The following MPDZ variants were observed in gnomAD, a reference collection of about 807,000 sequenced individuals.
MPDZ encodes multiple PDZ domain protein.
Under a neutral mutation model 239.1 loss-of-function variants are expected in MPDZ, and 234 were observed. That is an observed-to-expected ratio of 0.98 (90% CI 0.88 to 1.09). The LOEUF (loss-of-function observed/expected upper bound fraction) is 1.09, where lower values mean the gene tolerates loss of function less well. Ranked by LOEUF, MPDZ falls within the 50% of genes least tolerant of loss-of-function variation. The pLI, the probability that MPDZ is intolerant of heterozygous loss-of-function variation, is 0.00. For missense variants in MPDZ, 3,175 were observed against 2,510.0 expected (o/e 1.26, Z -5.66); for synonymous variants, 1,048 against 881.3 (o/e 1.19, Z -3.35).
In MPDZ at chr9:13,250,229, ACATATGT is replaced by A. The variant is rs1005994519; in HGVS notation, c.16+64_16+70del. 8 of 1,438,436 alleles carry A rather than the reference ACATATGT, an allele frequency of 5.6e-6. No homozygotes were observed. In the Admixed American group the frequency reaches 5.8e-5, roughly 10 times the overall value. The allele number at this position is 1,438,436 out of a possible 1,614,324, so 89.1% of individuals were successfully genotyped here. ...ACAGAATCCTGCTATGTTAAACACA[ACATATGT>A]CAAAAATCCCAATGGGAGGAGTTAC... On this transcript the variant is annotated intron_variant, in intron 2 of 46. Coordinates refer to ENST00000319217, the MANE Select transcript of MPDZ (RefSeq NM_001378778.1).
At chr9:13,176,076 A>C in intron 20 of MPDZ, 60 bp downstream of exon 20, 1 of 1,477,300 alleles carries the variant, frequency 6.8e-7, no homozygotes, top group Non-Finnish European at 9.0e-7. Flanking sequence ...AGCCAGAATA[A>C]CCTTACTTCA....
intron 15 of MPDZ, 33 bp downstream of exon 15, chr9:13,192,098 T>C (rs1375966856): frequency 7.9e-6 from 12 of 1,516,438 alleles, no homozygotes; most frequent in Non-Finnish European, 9.7e-6. Flanking sequence ...CCATTATATA[T>C]GTAGGTTAGC....
chr9:13,126,847 G>C (rs536986076), intron 32 of MPDZ, 75 bp from the exon 33 acceptor site: 2 of 1,225,370 alleles, frequency 1.6e-6, no homozygotes, highest in African/African-American at 3.0e-5. Flanking sequence ...CCAAGGGTAA[G>C]AAAAACAACT....
intron 32 of MPDZ, among the ~76,000 whole-genome samples, chr9:13,126,978 A>C (rs1225722152): frequency 1.3e-5 from 2 of 152,210 alleles, no homozygotes; most frequent in Non-Finnish European, 2.9e-5. Context: ...TTCCTCCATC[A>C]AACATTCAAG....
intron 1 of MPDZ, among the ~76,000 whole-genome samples, chr9:13,271,477 T>A (rs1245216021): frequency 1.3e-5 from 2 of 152,164 alleles, no homozygotes; most frequent in Non-Finnish European, 2.9e-5. Context: ...GACAGAAATG[T>A]CCGTTTGTAA....
intron 1 of MPDZ, among the ~76,000 whole-genome samples, chr9:13,265,580 G>T (rs997998291): frequency 2.0e-5 from 3 of 152,114 alleles, no homozygotes; most frequent in African/African-American, 7.2e-5. Context: ...AAAAAGAAAA[G>T]AAGAAAAGAA....
chr9:13,113,080 G>T, intron 41 of MPDZ, 26 bp from the exon 42 acceptor site: 1 of 1,533,464 alleles, frequency 6.5e-7, no homozygotes, highest in Non-Finnish European at 8.9e-7. Context: ...AGATAAAATA[G>T]GGTTATTTTA....
intron 23 of MPDZ, among the ~76,000 whole-genome samples, chr9:13,159,723 C>T (rs995460767): frequency 2.0e-5 from 3 of 152,066 alleles, no homozygotes; most frequent in African/African-American, 7.2e-5. Context: ...TTTTTAGGTA[C>T]AAGAAGATAA....
At chr9:13,208,720 G>A (rs1957275091) in intron 10 of MPDZ, among the ~76,000 whole-genome samples, 1 of 150,798 alleles carries the variant, frequency 6.6e-6, no homozygotes, top group Non-Finnish European at 1.5e-5. Context: ...TAGTGAGGAA[G>A]AAAGAGGGAA....
At chr9:13,146,623 A>C (rs988585893) in intron 26 of MPDZ, among the ~76,000 whole-genome samples, 1 of 152,040 alleles carries the variant, frequency 6.6e-6, no homozygotes, top group African/African-American at 2.4e-5. Context: ...AAATCCAAAA[A>C]AGGAGTCTGT....
At chr9:13,214,465 G>A (rs1448986531) in intron 10 of MPDZ, among the ~76,000 whole-genome samples, 2 of 151,804 alleles carry the variant, frequency 1.3e-5, no homozygotes, top group African/African-American at 4.8e-5. Flanking sequence ...ATGTTTTTAG[G>A]GTTCTGAAAA....
chr9:13,140,442 T>G (rs1409107376), intron 27 of MPDZ, among the ~76,000 whole-genome samples: 1 of 147,318 alleles, frequency 6.8e-6, no homozygotes, highest in Non-Finnish European at 1.5e-5. Flanking sequence ...ATTTGTTTGA[T>G]ATTTTAAAGC....
At position 13,205,131 on chromosome 9, in the gene MPDZ, A is replaced by G. The variant is rs1956847478; in HGVS notation, c.1475-24T>C. 2.4e-6 allele frequency: 3 copies of G among 1,261,798 alleles called. No homozygotes were observed. The African/African-American group carries it at 4.7e-5, about 20-fold the overall frequency. The allele number at this position is 1,261,798 out of a possible 1,614,324, so 78.2% of individuals were successfully genotyped here. On this transcript the variant is annotated intron_variant, in intron 11 of 46. Coordinates refer to ENST00000319217, the MANE Select transcript of MPDZ (RefSeq NM_001378778.1). ...TTCTTAAAGATAAAAATATTTTAGT[A>G]ATTTTATCTTTAGTATAATCAAGTA... is the stretch of plus-strand genomic sequence containing the variant.
chr9:13,174,228 G>C (rs1416125767), intron 21 of MPDZ, among the ~76,000 whole-genome samples: 1 of 152,102 alleles, frequency 6.6e-6, no homozygotes, highest in South Asian at 2.1e-4. Flanking sequence ...TTCTCTGTAA[G>C]TATCTATTAT....
At chr9:13,160,380 C>T (rs999021779) in intron 23 of MPDZ, among the ~76,000 whole-genome samples, 1 of 152,116 alleles carries the variant, frequency 6.6e-6, no homozygotes, top group African/African-American at 2.4e-5. Flanking sequence ...TGCAGTGAAG[C>T]AGCTAGTCAC....
At position 13,193,176 on chromosome 9, in the gene MPDZ, C is replaced by T. The variant is rs1320604309; in HGVS notation, c.1794G>A (p.Glu598=). 1 of 1,578,290 alleles carries T rather than the reference C, an allele frequency of 6.3e-7. No individual in the cohort carries two copies. Among genetic ancestry groups the T allele is most frequent in the South Asian group, 1.2e-5 (1 of 83,980 alleles). Residue 598 remains glutamate, a synonymous_variant, in exon 14 of 47, where the codon GAG becomes GAA. Transcript: ENST00000319217. The stretch of plus-strand genomic sequence containing the variant: ...CAGCATAGCTCCTTACTTCCAATAG[C>T]TCGTCTCCACTGAAGAGCTTCCCGC... ...GHSGKLFSGD[E]LLEVNGITLL... is the part of the protein sequence containing the mutation.
intron 1 of MPDZ, among the ~76,000 whole-genome samples, chr9:13,266,956 T>C (rs1971918657): frequency 6.6e-6 from 1 of 152,188 alleles, no homozygotes; most frequent in African/African-American, 2.4e-5. Context: ...ATTTCGCTGA[T>C]GTAAAAAGGC....
chr9:13,229,985 A>G (rs1415750313), intron 3 of MPDZ, among the ~76,000 whole-genome samples: 1 of 152,150 alleles, frequency 6.6e-6, no homozygotes, highest in Non-Finnish European at 1.5e-5. Flanking sequence ...AGAAAACTCA[A>G]AATTCAATAG....
chr9:13,243,772 C>T (rs1303049521), intron 3 of MPDZ, among the ~76,000 whole-genome samples: 3 of 152,136 alleles, frequency 2.0e-5, no homozygotes, highest in African/African-American at 4.8e-5. Context: ...ATACACATTA[C>T]GCATCTAGAT....
Sources: allele counts gnomAD v4.1 joint callset (sites outside exome capture counted in the v4.1 genomes callset), GRCh38; gene constraint gnomAD v4.1.1; transcripts MANE v1.5; gene names NCBI Gene and HGNC (gene_info 2026-07-23, HGNC 2026-07-21).